Variants in EXT2 observed in about 807,000 individuals in gnomAD.
EXT2 encodes the protein exostosin-2.
In EXT2, 53 loss-of-function variants were observed where a neutral mutation model predicts 81.6. The observed-to-expected ratio is 0.65, with a 90% CI of 0.52 to 0.82. The LOEUF is 0.82. Among genes scored for constraint, EXT2 ranks in the 40% least tolerant of loss-of-function variants. EXT2 has a pLI of 0.00. For synonymous variants in EXT2, 320 were observed against 340.0 expected, an observed-to-expected ratio of 0.94 and a Z score of 0.65; for missense variants, 774 against 910.2, an observed-to-expected ratio of 0.85 and a Z score of 1.93.
intron 10 of EXT2, among the ~76,000 whole-genome samples, chr11:44,229,433 G>A (rs1158595878): frequency 3.3e-5 from 5 of 152,228 alleles, no homozygotes; most frequent in Admixed American, 1.3e-4. Context: ...TTACAACACA[G>A]TGTTAATGAA....
At chr11:44,137,318 T>G (rs1366877393) in intron 7 of EXT2, among the ~76,000 whole-genome samples, 3 of 152,246 alleles carry the variant, frequency 2.0e-5, no homozygotes, top group East Asian at 3.8e-4. Flanking sequence ...TTGTTTTGTA[T>G]AGCTTCTGAG....
chr11:44,114,119 C>T (rs1329671625), intron 3 of EXT2, 66 bp from the exon 4 acceptor site: 1 of 1,360,518 alleles, frequency 7.4e-7, no homozygotes, highest in African/African-American at 1.4e-5. Context: ...TCCTGTTCCT[C>T]TCCACAGTGT....
At chr11:44,151,731 A>T (rs1296247535) in intron 7 of EXT2, among the ~76,000 whole-genome samples, 1 of 152,180 alleles carries the variant, frequency 6.6e-6, no homozygotes, top group African/African-American at 2.4e-5. Flanking sequence ...GGTAACCTTC[A>T]GGGAGCACAG....
intron 8 of EXT2, among the ~76,000 whole-genome samples, chr11:44,186,329 C>T (rs1464520493): frequency 6.6e-6 from 1 of 152,190 alleles, no homozygotes; most frequent in Non-Finnish European, 1.5e-5. Context: ...ATGGAACCCT[C>T]TCTTCCCTCA....
At chr11:44,221,520 T>G (rs868867510) in intron 10 of EXT2, among the ~76,000 whole-genome samples, 7 of 152,228 alleles carry the variant, frequency 4.6e-5, no homozygotes, top group Admixed American at 1.3e-4. Flanking sequence ...AAAAGCTGCC[T>G]GCTGTCTCAT....
intron 5 of EXT2, among the ~76,000 whole-genome samples, chr11:44,125,689 T>TG (rs1169985430): frequency 6.6e-6 from 1 of 152,016 alleles, no homozygotes; most frequent in Non-Finnish European, 1.5e-5. Context: ...GATTTTTTTT[T>TG]TTTTAATCTC....
intron 4 of EXT2, among the ~76,000 whole-genome samples, chr11:44,117,485 G>A (rs752684050): frequency 1.3e-5 from 2 of 152,142 alleles, no homozygotes; most frequent in South Asian, 2.1e-4. Flanking sequence ...GTTAATTTTT[G>A]TATGTGGTAT....
At chr11:44,200,290 C>G (rs1313866129) in intron 9 of EXT2, among the ~76,000 whole-genome samples, 3 of 151,382 alleles carry the variant, frequency 2.0e-5, no homozygotes, top group South Asian at 2.1e-4. Flanking sequence ...CAGAAATCTA[C>G]CCCCCTTCCC....
In EXT2 at chr11:44,224,760, G is replaced by A. The variant is rs77784695; in HGVS notation, c.1663-7593G>A. ...TGCTGTAGTGTCCCTGACTGCAAGT[G>A]ATGGAAGTCAGCAGGGCAGCTACTT... is the stretch of plus-strand genomic sequence containing the variant. On this transcript the variant is annotated intron_variant, in intron 10 of 13. Coordinates refer to ENST00000533608, the MANE Select transcript of EXT2 (RefSeq NM_207122.2). Among the ~76,000 whole-genome samples, 371 of 152,304 alleles carry A rather than the reference G, an allele frequency of 2.4e-3. 3 individuals carry two copies. The highest frequency in any genetic ancestry group is 4.5e-3 in the Admixed American group (69 of 15,300).
At chr11:44,172,156 C>T (rs940156815) in intron 8 of EXT2, among the ~76,000 whole-genome samples, 2 of 152,186 alleles carry the variant, frequency 1.3e-5, no homozygotes, top group African/African-American at 2.4e-5. Flanking sequence ...ACGTGTATTA[C>T]CTCAATTAAT....
intron 1 of EXT2, among the ~76,000 whole-genome samples, chr11:44,101,338 C>T (rs1472756794): frequency 6.6e-6 from 1 of 152,112 alleles, no homozygotes; most frequent in African/African-American, 2.4e-5. Context: ...GCTGATTTTG[C>T]CTCCCCAAGG....
At chr11:44,101,133 G>C (rs1953975595) in intron 1 of EXT2, among the ~76,000 whole-genome samples, 1 of 152,220 alleles carries the variant, frequency 6.6e-6, no homozygotes, top group South Asian at 2.1e-4. Context: ...AGAATCTTAA[G>C]GGTGTTGGAC....
intron 13 of EXT2, among the ~76,000 whole-genome samples, chr11:44,242,794 A>C (rs1315597196): frequency 6.6e-6 from 1 of 152,166 alleles, no homozygotes; most frequent in Non-Finnish European, 1.5e-5. Context: ...GTATCATCTA[A>C]TTAAGACTTT....
intron 4 of EXT2, 45 bp downstream of exon 4, chr11:44,114,346 T>C: frequency 6.5e-7 from 1 of 1,549,934 alleles, no homozygotes; most frequent in Non-Finnish European, 8.9e-7. Context: ...ACTGAATCTG[T>C]GAGATGTTGA....
intron 8 of EXT2, among the ~76,000 whole-genome samples, chr11:44,173,671 C>T (rs1462487325): frequency 1.3e-5 from 2 of 149,810 alleles, no homozygotes; most frequent in Non-Finnish European, 3.0e-5. Context: ...TGGGTTCACA[C>T]CATTCTCCTG....
At chr11:44,165,171 C>G (rs934752712) in intron 7 of EXT2, among the ~76,000 whole-genome samples, 2 of 152,216 alleles carry the variant, frequency 1.3e-5, no homozygotes, top group African/African-American at 4.8e-5. Flanking sequence ...AGCCACCGCG[C>G]CCGGCCCACA....
At chr11:44,119,165 T>TTC (rs1954275959) in intron 4 of EXT2, among the ~76,000 whole-genome samples, 2 of 48,046 alleles carry the variant, frequency 4.2e-5, no homozygotes, top group Non-Finnish European at 9.5e-5. Context: ...TATATATATA[T>TTC]ATATACACAT....
intron 7 of EXT2, among the ~76,000 whole-genome samples, chr11:44,146,160 CTG>C (rs1050081932): frequency 2.0e-4 from 30 of 152,338 alleles, no homozygotes; most frequent in African/African-American, 6.5e-4. Context: ...TGGTGTCACT[CTG>C]TGTGTCCAAA....
At chr11:44,229,448 A>G (rs1955873393) in intron 10 of EXT2, among the ~76,000 whole-genome samples, 2 of 152,210 alleles carry the variant, frequency 1.3e-5, no homozygotes, top group African/African-American at 4.8e-5. Context: ...AATGAAGCCA[A>G]GGTTGTGGGT....
Sources: gnomAD v4.1 joint callset for allele counts (sites outside exome capture counted in the v4.1 genomes callset) on GRCh38, gnomAD v4.1.1 for gene constraint, MANE v1.5 for transcripts, NCBI Gene and HGNC (gene_info 2026-07-23, HGNC 2026-07-21) for gene names.